SASH1: variants seen among roughly 807,000 people sequenced by gnomAD.
SASH1 encodes the protein SAM and SH3 domain-containing protein 1.
A neutral mutation model predicts 125.2 loss-of-function variants in SASH1; 44 were observed. The ratio of observed to expected loss-of-function variants is 0.35; its 90% CI spans 0.28 to 0.45. The LOEUF is 0.45. Among genes scored for constraint, SASH1 ranks in the 20% least tolerant of loss-of-function variants. The probability of loss-of-function intolerance (pLI) is 1.00; values close to 1 mark genes in which losing one functional copy is unlikely to be tolerated. For synonymous variants in SASH1, 639 were observed against 649.1 expected, an observed-to-expected ratio of 0.98 and a Z score of 0.24; for missense variants, 1,426 against 1,614.5, an observed-to-expected ratio of 0.88 and a Z score of 2.00.
At chr6:148,498,408 GA>G (rs369027905) in intron 8 of SASH1, among the ~76,000 whole-genome samples, 6 of 131,840 alleles carry the variant, frequency 4.6e-5, no homozygotes, top group Admixed American at 7.4e-5. Flanking sequence ...CTCTAAAAAA[GA>G]AAAAAAAAAG....
chr6:148,196,922 G>A, the SASH1 span, among the ~76,000 whole-genome samples: 5 of 152,056 alleles, frequency 3.3e-5, 1 homozygote, highest in African/African-American at 1.2e-4. Context: ...TGATGGTGTC[G>A]AGTAAATGCT....
intron 7 of SASH1, among the ~76,000 whole-genome samples, chr6:148,486,751 CAA>C (rs58789520): frequency 6.9e-4 from 53 of 76,942 alleles, no homozygotes; most frequent in African/African-American, 1.6e-3. Context: ...CCCATCTCTA[CAA>C]AAAAAAAAAA....
At chr6:148,329,617 C>T (rs748691054) in intron 1 of SASH1, among the ~76,000 whole-genome samples, 2 of 151,984 alleles carry the variant, frequency 1.3e-5, no homozygotes, top group Non-Finnish European at 2.9e-5. Flanking sequence ...GATAACTAAG[C>T]CTTTGTGTGT....
chr6:148,328,961 G>A (rs911440817), intron 1 of SASH1, among the ~76,000 whole-genome samples: 1 of 152,112 alleles, frequency 6.6e-6, no homozygotes, highest in African/African-American at 2.4e-5. Context: ...CCTTTCATGT[G>A]TGTTCCATTC....
chr6:148,361,958 G>T (rs1388331015), intron 1 of SASH1, among the ~76,000 whole-genome samples: 1 of 141,580 alleles, frequency 7.1e-6, no homozygotes, highest in Non-Finnish European at 1.5e-5. Context: ...CTGTCGCCCA[G>T]GCTGGAGTGC....
intron 4 of SASH1, among the ~76,000 whole-genome samples, chr6:148,448,351 T>G (rs897386004): frequency 6.6e-6 from 1 of 152,168 alleles, no homozygotes. Context: ...TTTTTCTCTC[T>G]TTCCCTAGTT....
At chr6:148,299,761 C>T (rs1242069511) in intron 1 of SASH1, among the ~76,000 whole-genome samples, 1 of 151,906 alleles carries the variant, frequency 6.6e-6, no homozygotes, top group Non-Finnish European at 1.5e-5. Context: ...TCAGGTCAAC[C>T]TGTATTAGGA....
chr6:148,400,860 A>G (rs1178953394), intron 2 of SASH1, among the ~76,000 whole-genome samples: 1 of 152,192 alleles, frequency 6.6e-6, no homozygotes, highest in Non-Finnish European at 1.5e-5. Context: ...TTCCAGCAGT[A>G]TGTTTGCATT....
chr6:148,314,100 A>G (rs574534018), intron 1 of SASH1, among the ~76,000 whole-genome samples: 1 of 152,186 alleles, frequency 6.6e-6, no homozygotes, highest in African/African-American at 2.4e-5. Flanking sequence ...ATGTAGCCCA[A>G]GCGACACTGG....
chr6:148,421,157 GA>G (rs1554254979), intron 2 of SASH1, among the ~76,000 whole-genome samples: 2 of 83,708 alleles, frequency 2.4e-5, no homozygotes, highest in South Asian at 7.2e-4. Context: ...AAGAAAGAAA[GA>G]AAGAAAGAAA....
chr6:148,242,521 A>G, the SASH1 span, among the ~76,000 whole-genome samples: 1 of 152,328 alleles, frequency 6.6e-6, no homozygotes, highest in Admixed American at 6.5e-5. Context: ...GGCCAAGTAA[A>G]GCGTCCGTTT....
intron 1 of SASH1, among the ~76,000 whole-genome samples, chr6:148,377,201 A>AC (rs1562363222): frequency 2.4e-5 from 2 of 82,964 alleles, no homozygotes; most frequent in African/African-American, 9.9e-5. Flanking sequence ...AAAACAAAAA[A>AC]AAAACAAAAC....
At chr6:148,540,787 T>C (rs1782171266) in intron 17 of SASH1, among the ~76,000 whole-genome samples, 1 of 152,152 alleles carries the variant, frequency 6.6e-6, no homozygotes, top group South Asian at 2.1e-4. Context: ...CTAAATTGTG[T>C]GTCTCCTATG....
intron 1 of SASH1, among the ~76,000 whole-genome samples, chr6:148,289,954 G>A (rs1779584786): frequency 7.2e-6 from 1 of 139,170 alleles, no homozygotes; most frequent in Non-Finnish European, 1.5e-5. Context: ...TACAACCTCT[G>A]CCTCCCAGGT....
chr6:148,421,087 AAAAAG>A (rs1186104166), intron 2 of SASH1, among the ~76,000 whole-genome samples: 5 of 150,174 alleles, frequency 3.3e-5, no homozygotes, highest in East Asian at 3.9e-4. Context: ...CTGTCTCCAA[AAAAAG>A]AAAAGAAAAG....
intron 1 of SASH1, among the ~76,000 whole-genome samples, chr6:148,283,678 G>A (rs1399474951): frequency 6.6e-6 from 1 of 152,060 alleles, no homozygotes; most frequent in Non-Finnish European, 1.5e-5. Flanking sequence ...GGAGGCTGAG[G>A]CAGGAGAATC....
At chr6:148,216,939 C>T in the SASH1 span, among the ~76,000 whole-genome samples, 1 of 152,034 alleles carries the variant, frequency 6.6e-6, no homozygotes, top group South Asian at 2.1e-4. Context: ...GTTGGCCAGG[C>T]TGGTCTCGAT....
At chr6:148,358,633 T>C (rs772074951) in intron 1 of SASH1, among the ~76,000 whole-genome samples, 3 of 152,150 alleles carry the variant, frequency 2.0e-5, no homozygotes, top group Non-Finnish European at 4.4e-5. Context: ...CTTTTAAAAC[T>C]AGAAGTGATT....
the SASH1 span, among the ~76,000 whole-genome samples, chr6:148,208,399 C>T: frequency 6.6e-6 from 1 of 152,174 alleles, no homozygotes; most frequent in Non-Finnish European, 1.5e-5. Context: ...CTACAGCAGC[C>T]ATTTGTCACC....
Sources: gnomAD v4.1 joint callset for allele counts (sites outside exome capture counted in the v4.1 genomes callset) on GRCh38, gnomAD v4.1.1 for gene constraint, MANE v1.5 for transcripts, NCBI Gene and HGNC (gene_info 2026-07-23, HGNC 2026-07-21) for gene names.